The following GPR63 variants were observed in gnomAD, a reference collection of about 807,000 sequenced individuals.
GPR63 encodes the protein G protein-coupled receptor 63.
A neutral mutation model predicts 23.1 loss-of-function variants in GPR63; 12 were observed. The ratio of observed to expected loss-of-function variants is 0.52; its 90% CI spans 0.33 to 0.84. The LOEUF is 0.84. Among genes scored for constraint, GPR63 ranks in the 40% least tolerant of loss-of-function variants. The probability of loss-of-function intolerance (pLI) is 0.02; values close to 1 mark genes in which losing one functional copy is unlikely to be tolerated. For missense variants in GPR63, 472 were observed against 515.6 expected (o/e 0.92, Z 0.82); for synonymous variants, 172 against 191.1 (o/e 0.90, Z 0.82).
chr6:96,811,965 A>G (rs1219714810), intron 1 of GPR63, among the ~76,000 whole-genome samples: 2 of 152,086 alleles, frequency 1.3e-5, no homozygotes, highest in Non-Finnish European at 2.9e-5. Flanking sequence ...TTAGATCATT[A>G]TAACAATGTC....
At chr6:96,811,867 A>C (rs1774052801) in intron 1 of GPR63, among the ~76,000 whole-genome samples, 1 of 149,466 alleles carries the variant, frequency 6.7e-6, no homozygotes, top group East Asian at 1.9e-4. Context: ...TAAATAAATA[A>C]ATAAATAAAT....
intron 1 of GPR63, among the ~76,000 whole-genome samples, chr6:96,814,443 T>G (rs1774113640): frequency 6.6e-6 from 1 of 152,194 alleles, no homozygotes; most frequent in Non-Finnish European, 1.5e-5. Context: ...ATATTATTGC[T>G]AATCCTGACA....
intron 1 of GPR63, among the ~76,000 whole-genome samples, chr6:96,829,516 G>C (rs1246178383): frequency 6.6e-6 from 1 of 151,858 alleles, no homozygotes; most frequent in Non-Finnish European, 1.5e-5. Context: ...AACACAGTGA[G>C]ACTTCATCTC....
intron 1 of GPR63, among the ~76,000 whole-genome samples, chr6:96,819,734 A>AC (rs57453400): frequency 1.3e-5 from 2 of 151,228 alleles, no homozygotes; most frequent in African/African-American, 2.4e-5. Flanking sequence ...CAAAAAAAAA[A>AC]CAAAAAAACA....
chr6:96,798,355 T>A lies in GPR63; in HGVS notation c.*117A>T. ...AATTACCATTCTTTCTTTACACTGC[T>A]CACACACATACATACACAAACCCTA... On this transcript the variant is annotated 3_prime_UTR_variant, in exon 2 of 2. Coordinates refer to ENST00000229955, the MANE Select transcript of GPR63 (RefSeq NM_030784.4). 1 of 970,990 alleles carries A rather than the reference T, an allele frequency of 1.0e-6. No homozygotes were observed. 60.1% of individuals were successfully genotyped at this position (970,990 alleles called of 1,614,324 possible). A position where few individuals can be genotyped will look rare whatever the true frequency, so the allele number is the denominator to read the frequency against.
At chr6:96,829,627 G>A (rs573414629) in intron 1 of GPR63, among the ~76,000 whole-genome samples, 1 of 152,284 alleles carries the variant, frequency 6.6e-6, no homozygotes, top group Admixed American at 6.5e-5. Context: ...TTAAGCCCAG[G>A]AGGTCAAGGC....
At chr6:96,816,969 T>G (rs1017250139) in intron 1 of GPR63, among the ~76,000 whole-genome samples, 1 of 152,298 alleles carries the variant, frequency 6.6e-6, no homozygotes, top group East Asian at 1.9e-4. Context: ...AAATCAAATA[T>G]ATTTTTAAGG....
chr6:96,808,717 G>A (rs1773962958), intron 1 of GPR63, among the ~76,000 whole-genome samples: 1 of 152,112 alleles, frequency 6.6e-6, no homozygotes, highest in Non-Finnish European at 1.5e-5. Context: ...GAGCAAAAAA[G>A]TGGGACACCT....
chr6:96,805,775 C>T (rs1164822978), intron 1 of GPR63, among the ~76,000 whole-genome samples: 1 of 152,192 alleles, frequency 6.6e-6, no homozygotes, highest in East Asian at 1.9e-4. Flanking sequence ...ACATTTCATT[C>T]CTGCAGAGAT....
chr6:96,825,475 T>C (rs1774417518), intron 1 of GPR63, among the ~76,000 whole-genome samples: 1 of 152,018 alleles, frequency 6.6e-6, no homozygotes, highest in Non-Finnish European at 1.5e-5. Context: ...TGATATGGAG[T>C]GTCTTCTACC....
At chr6:96,837,060 C>A (rs1470924018) in intron 1 of GPR63, among the ~76,000 whole-genome samples, 2 of 152,160 alleles carry the variant, frequency 1.3e-5, no homozygotes, top group South Asian at 2.1e-4. Context: ...TGGCGCCGAC[C>A]GAAATAACTC....
intron 1 of GPR63, among the ~76,000 whole-genome samples, chr6:96,801,656 G>A (rs1036929870): frequency 6.6e-6 from 1 of 151,962 alleles, no homozygotes; most frequent in Non-Finnish European, 1.5e-5. Context: ...ATCTTTTTTT[G>A]TCCAGGGCTG....
intron 1 of GPR63, among the ~76,000 whole-genome samples, chr6:96,833,832 T>C (rs1423778412): frequency 2.1e-5 from 3 of 139,712 alleles, no homozygotes; most frequent in East Asian, 2.0e-4. Flanking sequence ...TTTTTCTAAA[T>C]TGTATCTGGG....
At chr6:96,814,189 G>C (rs1317124799) in intron 1 of GPR63, among the ~76,000 whole-genome samples, 1 of 152,002 alleles carries the variant, frequency 6.6e-6, no homozygotes, top group African/African-American at 2.4e-5. Flanking sequence ...AGCAAAGGAG[G>C]AAATGTAAAT....
chr6:96,834,671 C>A (rs914951762), intron 1 of GPR63, among the ~76,000 whole-genome samples: 1 of 151,390 alleles, frequency 6.6e-6, no homozygotes, highest in Non-Finnish European at 1.5e-5. Context: ...GAAAAAAAAA[C>A]CGCCTAACAG....
chr6:96,802,430 C>T (rs1196320787), intron 1 of GPR63, among the ~76,000 whole-genome samples: 1 of 151,588 alleles, frequency 6.6e-6, no homozygotes, highest in Non-Finnish European at 1.5e-5. Context: ...GTCCACATCC[C>T]GAAAATTACA....
intron 1 of GPR63, among the ~76,000 whole-genome samples, chr6:96,801,210 ATTT>A (rs35755439): frequency 1.4e-5 from 2 of 143,996 alleles, no homozygotes; most frequent in Non-Finnish European, 3.0e-5. Flanking sequence ...TCAGTCATTG[ATTT>A]TTTTTTTTTT....
At chr6:96,801,913 A>G (rs933907476) in intron 1 of GPR63, among the ~76,000 whole-genome samples, 9 of 152,194 alleles carry the variant, frequency 5.9e-5, no homozygotes, top group African/African-American at 2.2e-4. Context: ...CATAATCACC[A>G]TCAGCCTCTA....
chr6:96,800,679 C>G (rs1773740552), intron 1 of GPR63, among the ~76,000 whole-genome samples: 1 of 152,122 alleles, frequency 6.6e-6, no homozygotes, highest in Non-Finnish European at 1.5e-5. Flanking sequence ...CATAGTCTCT[C>G]TTCTCTCCCA....
Sources: gnomAD v4.1 joint callset for allele counts (sites outside exome capture counted in the v4.1 genomes callset) on GRCh38, gnomAD v4.1.1 for gene constraint, MANE v1.5 for transcripts, NCBI Gene and HGNC (gene_info 2026-07-23, HGNC 2026-07-21) for gene names.